FHIP1A: variants seen among roughly 807,000 people sequenced by gnomAD.
FHIP1A encodes the protein FHF complex subunit HOOK-interacting protein 1A.
A neutral mutation model predicts 88.6 loss-of-function variants in FHIP1A; 61 were observed. That is an observed-to-expected ratio of 0.69 (90% CI 0.56 to 0.85). FHIP1A has a LOEUF of 0.85. Among genes scored for constraint, FHIP1A ranks in the 40% least tolerant of loss-of-function variants. The pLI is 0.00. For synonymous variants in FHIP1A, 478 were observed against 496.0 expected (o/e 0.96, Z 0.48); for missense variants, 1,154 against 1,273.5 (o/e 0.91, Z 1.43).
chr4:151,567,929 G>A (rs950342828), intron 4 of FHIP1A, among the ~76,000 whole-genome samples: 5 of 152,028 alleles, frequency 3.3e-5, no homozygotes, highest in African/African-American at 9.7e-5. Flanking sequence ...TTGTTTATTC[G>A]TTTGCGCATA....
At chr4:151,564,261 T>C (rs565380004) in intron 3 of FHIP1A, among the ~76,000 whole-genome samples, 1 of 152,350 alleles carries the variant, frequency 6.6e-6, no homozygotes, top group East Asian at 1.9e-4. Context: ...CTTTTCGATC[T>C]CTGGGATAAC....
At chr4:151,646,433 A>C (rs1014794521) in intron 9 of FHIP1A, 125 bp from the exon 10 acceptor site, 2 of 617,238 alleles carry the variant, frequency 3.2e-6, no homozygotes, top group Non-Finnish European at 5.7e-6. Context: ...TGAGATGATC[A>C]ATTGAGAGCT....
At chr4:151,449,334 G>A (rs1457801684) in intron 1 of FHIP1A, among the ~76,000 whole-genome samples, 1 of 152,074 alleles carries the variant, frequency 6.6e-6, no homozygotes, top group East Asian at 1.9e-4. Context: ...AAGTGAAGTA[G>A]CTTGCTCAGA....
chr4:151,545,369 C>CTTTTTTTTTTTTT lies in FHIP1A; in HGVS notation c.-122-20755_-122-20743dup, dbSNP rs569126288. 2.1e-3 allele frequency among the ~76,000 whole-genome samples: 170 copies of CTTTTTTTTTTTTT among 81,682 alleles called. 8 individuals are homozygous for CTTTTTTTTTTTTT. Among genetic ancestry groups the CTTTTTTTTTTTTT allele is most frequent in the African/African-American group, 8.3e-3 (163 of 19,652 alleles). 53.6% of individuals were successfully genotyped at this position (81,682 alleles called of 152,430 possible). ...CAAGGCAAAATATTTCCTTATCCTT[C>CTTTTTTTTTTTTT]TTTTTTTTTTTTTTTTTTTTTTTTT... On this transcript the variant is annotated intron_variant, in intron 3 of 13. Coordinates refer to ENST00000435205, the MANE Select transcript of FHIP1A (RefSeq NM_001109977.3).
intron 3 of FHIP1A, among the ~76,000 whole-genome samples, chr4:151,494,699 T>G (rs1730398434): frequency 6.6e-6 from 1 of 152,212 alleles, no homozygotes. Context: ...TTTTCTAATT[T>G]TATGAAGAAT....
At chr4:151,486,624 T>C (rs1280443961) in intron 3 of FHIP1A, among the ~76,000 whole-genome samples, 4 of 152,192 alleles carry the variant, frequency 2.6e-5, no homozygotes, top group African/African-American at 9.7e-5. Flanking sequence ...AAATGCAGTT[T>C]GGATTATTTT....
intron 2 of FHIP1A, among the ~76,000 whole-genome samples, chr4:151,464,455 A>G (rs570429039): frequency 2.6e-5 from 4 of 152,324 alleles, no homozygotes; most frequent in African/African-American, 9.6e-5. Context: ...CCAACCTTCA[A>G]GGTATCTGGG....
At chr4:151,470,489 C>T (rs11735143) in intron 2 of FHIP1A, among the ~76,000 whole-genome samples, 7 of 152,186 alleles carry the variant, frequency 4.6e-5, no homozygotes, top group Admixed American at 3.3e-4. Flanking sequence ...TCCCTGCTAT[C>T]GGGTCAGTAA....
intron 7 of FHIP1A, among the ~76,000 whole-genome samples, chr4:151,621,908 C>T (rs1032236310): frequency 2.0e-5 from 3 of 151,966 alleles, no homozygotes; most frequent in Admixed American, 2.0e-4. Flanking sequence ...TGGAAAATTT[C>T]CCCTGCTGTT....
chr4:151,484,077 T>C (rs1050244434), intron 3 of FHIP1A, among the ~76,000 whole-genome samples: 4 of 152,208 alleles, frequency 2.6e-5, no homozygotes, highest in Non-Finnish European at 5.9e-5. Flanking sequence ...AATGTGTGTG[T>C]GTATCCTCTG....
At chr4:151,564,257 G>A (rs1733292601) in intron 3 of FHIP1A, among the ~76,000 whole-genome samples, 1 of 152,072 alleles carries the variant, frequency 6.6e-6, no homozygotes, top group African/African-American at 2.4e-5. Context: ...GTAGCTTTTC[G>A]ATCTCTGGGA....
At chr4:151,571,777 C>T (rs911534643) in intron 4 of FHIP1A, among the ~76,000 whole-genome samples, 1 of 152,178 alleles carries the variant, frequency 6.6e-6, no homozygotes, top group Non-Finnish European at 1.5e-5. Context: ...TGTTTGTTAA[C>T]ATTTCAAAAA....
In FHIP1A at chr4:151,656,498, A is replaced by T; in HGVS notation, c.2730+88A>T. On this transcript the variant is annotated intron_variant, in intron 12 of 13. Coordinates refer to ENST00000435205, the MANE Select transcript of FHIP1A (RefSeq NM_001109977.3). This position sits in a 1 kb window ranked among gnomAD's most constrained non-coding sequence, Gnocchi z 4.2. ...TATTTCTCTTTATTTTGTTTTTCAA[A>T]AATTCCTTTGCTCTAATTCATTTGC... The T allele has an allele frequency of 7.3e-7, 1 of 1,363,268 alleles. No individual in the cohort carries two copies. The allele number at this position is 1,363,268 out of a possible 1,614,324, so 84.4% of individuals were successfully genotyped here. A position where few individuals can be genotyped will look rare whatever the true frequency, so the allele number is the denominator to read the frequency against.
intron 3 of FHIP1A, among the ~76,000 whole-genome samples, chr4:151,528,422 A>G (rs1341869339): frequency 6.6e-6 from 1 of 152,266 alleles, no homozygotes; most frequent in Non-Finnish European, 1.5e-5. Flanking sequence ...GTCGAAATAT[A>G]GAACTCATTT....
chr4:151,639,107 A>G (rs781212526), intron 9 of FHIP1A, among the ~76,000 whole-genome samples: 37 of 152,180 alleles, frequency 2.4e-4, no homozygotes, highest in Non-Finnish European at 4.9e-4. Context: ...TTTATAGGGG[A>G]CTTTTGCTAT....
At chr4:151,536,118 C>T (rs1458178698) in intron 3 of FHIP1A, among the ~76,000 whole-genome samples, 1 of 151,956 alleles carries the variant, frequency 6.6e-6, no homozygotes, top group Non-Finnish European at 1.5e-5. Context: ...TTTTTTTCCC[C>T]CCAATAAAAA....
chr4:151,453,976 C>G (rs899771396), intron 1 of FHIP1A, among the ~76,000 whole-genome samples: 3 of 152,110 alleles, frequency 2.0e-5, no homozygotes, highest in African/African-American at 7.2e-5. Context: ...ATATATTTAG[C>G]CACTTCCTTA....
chr4:151,613,719 A>G (rs1446888667), intron 7 of FHIP1A, among the ~76,000 whole-genome samples: 1 of 152,230 alleles, frequency 6.6e-6, no homozygotes. Flanking sequence ...GGTGCACATC[A>G]GAAGCAACAA....
rs1017931038 is a variant in FHIP1A, at chr4:151,656,865, A to G, written c.2836A>G (p.Met946Val). ...GCAGTACCTGCTCTTCCGTGTGGAC[A>G]TGTCTGATATGACCCCTGCAGCACT... ...AQQYLLFRVD[M>V]SDMTPAALTK... The change falls in exon 13 of 14, where the codon ATG becomes GTG. Residue 946 changes from methionine to valine, a missense_variant. By Grantham distance (21) the Met-to-Val change is conservative. Transcript: ENST00000435205. This position sits in a 1 kb window ranked among gnomAD's most constrained non-coding sequence, Gnocchi z 4.2. The G allele has an allele frequency of 1.3e-6, 2 of 1,551,652 alleles. No homozygotes were observed. The highest frequency in any genetic ancestry group is 1.7e-6 in the Non-Finnish European group (2 of 1,146,972).
Sources: gnomAD v4.1 joint callset for allele counts (sites outside exome capture counted in the v4.1 genomes callset) on GRCh38, gnomAD v4.1.1 for gene constraint, Gnocchi (gnomAD v3.1) non-coding constraint, MANE v1.5 for transcripts, NCBI Gene and HGNC (gene_info 2026-07-23, HGNC 2026-07-21) for gene names.